NBEAL1: variants seen among roughly 807,000 people sequenced by gnomAD.
NBEAL1 encodes the protein neurobeachin like 1.
In NBEAL1, 273 loss-of-function variants were observed where a neutral mutation model predicts 351.3. That is an observed-to-expected ratio of 0.78 (90% CI 0.70 to 0.86). NBEAL1 has a LOEUF of 0.86. Among genes scored for constraint, NBEAL1 ranks in the 40% least tolerant of loss-of-function variants. The probability of loss-of-function intolerance (pLI) is 0.00; values close to 1 mark genes in which losing one functional copy is unlikely to be tolerated. For missense variants in NBEAL1, 2,961 were observed against 3,201.3 expected (o/e 0.92, Z 1.81); for synonymous variants, 1,050 against 1,086.4 (o/e 0.97, Z 0.66).
chr2:203,184,507 G>C (rs890567295), intron 44 of NBEAL1, among the ~76,000 whole-genome samples: 1 of 152,090 alleles, frequency 6.6e-6, no homozygotes. Context: ...GTGAGGGTTA[G>C]TTTAACGTTG....
chr2:203,147,596 A>G (rs541772368), intron 33 of NBEAL1, among the ~76,000 whole-genome samples: 1 of 152,234 alleles, frequency 6.6e-6, no homozygotes, highest in Admixed American at 6.5e-5. Flanking sequence ...TAAGGTGTAT[A>G]TATTTGGTTA....
chr2:203,166,453 G>T (rs1485283343), intron 37 of NBEAL1, among the ~76,000 whole-genome samples, 156 bp downstream of exon 37: 3 of 152,222 alleles, frequency 2.0e-5, no homozygotes, highest in Non-Finnish European at 4.4e-5. Context: ...TCACCAAGGT[G>T]TGGAAGGGAA....
intron 12 of NBEAL1, among the ~76,000 whole-genome samples, chr2:203,103,678 G>T (rs879383315): frequency 2.4e-4 from 36 of 152,132 alleles, no homozygotes; most frequent in Non-Finnish European, 4.6e-4. Context: ...TGTTTCTCCA[G>T]TTCTCTAGTT....
At chr2:203,127,731 GA>G (rs1468335246) in intron 23 of NBEAL1, 49 bp from the exon 24 acceptor site, 1 of 1,273,026 alleles carries the variant, frequency 7.9e-7, no homozygotes, top group East Asian at 2.7e-5. Context: ...CAGAAAAAAG[GA>G]AATGTAAAAA....
rs914627681 is a variant in NBEAL1 at position 203,132,053 on chromosome 2, G to A, written c.3645G>A (p.Ser1215=). ...QHIRLREVGY[S]GLGLLLNEAL... ...TTCGACTCAGAGAAGTTGGCTACTC[G>A]GGACTGGGACTCCTTCTTAATGAAG... The change falls in exon 26 of 56, where the codon TCG becomes TCA. Residue 1215 remains serine, a synonymous_variant. Transcript: ENST00000683969. The A allele has an allele frequency of 3.2e-6, 5 of 1,553,662 alleles. No individual in the cohort carries two copies. The highest frequency in any genetic ancestry group is 4.4e-6 in the Non-Finnish European group (5 of 1,147,098).
At position 203,126,000 on chromosome 2, in the gene NBEAL1, A is replaced by T; in HGVS notation, c.2892A>T (p.Leu964Phe). The change falls in exon 21 of 56, where the codon TTA (leucine) becomes TTT (phenylalanine). Residue 964 changes from leucine to phenylalanine, a missense_variant. By Grantham distance (22) the Leu-to-Phe change is conservative. Coordinates refer to ENST00000683969, the MANE Select transcript of NBEAL1 (RefSeq NM_001378026.1). ...LERNLVATFILIVKHFIQRHP... is the reference protein window; with the variant it reads ...LERNLVATFIFIVKHFIQRHP... ...GAAACCTAGTTGCAACATTTATCTT[A>T]ATTGTGAAACATTTTATTCAGAGAC... The T allele has an allele frequency of 6.5e-7, 1 of 1,544,134 alleles. No individual in the cohort carries two copies. The highest frequency in any genetic ancestry group is 8.7e-7 in the Non-Finnish European group (1 of 1,143,954).
intron 31 of NBEAL1, among the ~76,000 whole-genome samples, chr2:203,142,267 G>T (rs2063401961): frequency 6.6e-6 from 1 of 152,074 alleles, no homozygotes; most frequent in African/African-American, 2.4e-5. Context: ...GTGATTCTCT[G>T]GTCTCTGCCT....
chr2:203,147,050 A>G (rs1188820522), intron 33 of NBEAL1, among the ~76,000 whole-genome samples: 1 of 152,200 alleles, frequency 6.6e-6, no homozygotes, highest in Non-Finnish European at 1.5e-5. Flanking sequence ...AAATCCTACC[A>G]CTAGCTTCAT....
intron 3 of NBEAL1, among the ~76,000 whole-genome samples, chr2:203,047,506 A>G (rs946199701): frequency 6.6e-6 from 1 of 152,090 alleles, no homozygotes; most frequent in Admixed American, 6.6e-5. Context: ...TCCTTAGGTC[A>G]ATGTCTTCAG....
In NBEAL1 at chr2:203,176,182, T is replaced by G. The variant is rs1052161456; in HGVS notation, c.6464+895T>G. 1.8e-3 allele frequency among the ~76,000 whole-genome samples: 268 copies of G among 150,402 alleles called. 1 individual carries two copies. The highest frequency in any genetic ancestry group is 5.4e-3 in the Admixed American group (82 of 15,148). On this transcript the variant is annotated intron_variant, in intron 42 of 55. Transcript: ENST00000683969. Reference sequence around the variant, plus strand: ...ATACTTTATTGCATCTTTTTTTTTTTTTTTTTTTTGAGACAGAGTCTCACT... The same window carrying G: ...ATACTTTATTGCATCTTTTTTTTTTGTTTTTTTTTGAGACAGAGTCTCACT...
At chr2:203,207,326 G>A (rs1206122921) in intron 51 of NBEAL1, among the ~76,000 whole-genome samples, 22 of 151,768 alleles carry the variant, frequency 1.4e-4, no homozygotes, top group Admixed American at 9.8e-4. Flanking sequence ...CGCCCCCTCC[G>A]GGAGGTGAGG....
intron 51 of NBEAL1, among the ~76,000 whole-genome samples, chr2:203,206,154 AAG>A (rs1038673010): frequency 5.3e-5 from 8 of 152,216 alleles, no homozygotes; most frequent in Non-Finnish European, 1.0e-4. Context: ...AATAAAATGG[AAG>A]ATCAAACATG....
chr2:203,136,497 A>G (rs764966585), intron 28 of NBEAL1, 102 bp from the exon 29 acceptor site: 141 of 912,506 alleles, frequency 1.5e-4, no homozygotes, highest in Non-Finnish European at 3.2e-5. Flanking sequence ...GGACTTTAAA[A>G]ATATGTTAAA....
At chr2:203,190,520 C>G in intron 46 of NBEAL1, 131 bp downstream of exon 46, 5 of 763,338 alleles carry the variant, frequency 6.6e-6, no homozygotes. Flanking sequence ...TCTGTTTGCT[C>G]AGAAAGTCTT....
intron 46 of NBEAL1, among the ~76,000 whole-genome samples, chr2:203,192,993 A>G (rs1272345359): frequency 4.3e-5 from 3 of 69,184 alleles, no homozygotes; most frequent in Admixed American, 4.4e-4. Context: ...TTTTTTTGAG[A>G]TGGAGTCTTA....
chr2:203,074,324 T>C (rs1406656942), intron 7 of NBEAL1, among the ~76,000 whole-genome samples: 71 of 34,956 alleles, frequency 2.0e-3, no homozygotes, highest in African/African-American at 4.8e-3. Context: ...CTTCTTTTTT[T>C]TTTTTTTTTT....
At chr2:203,095,896 C>T (rs1266293197) in intron 10 of NBEAL1, among the ~76,000 whole-genome samples, 2 of 151,994 alleles carry the variant, frequency 1.3e-5, no homozygotes, top group East Asian at 3.9e-4. Flanking sequence ...CCTCAGCCTC[C>T]CAAGTAGCTG....
rs555670144 is a variant in NBEAL1, at chr2:203,213,614, T to C, written c.8031T>C (p.Asp2677=). The C allele has an allele frequency of 1.2e-6, 2 of 1,614,104 alleles. No homozygotes were observed. The highest frequency in any genetic ancestry group is 1.1e-5 in the South Asian group (1 of 91,068). ...EYSHILVGLE[D]GKLIVVGVGK... is the part of the protein sequence containing the mutation. ...GCCATATTCTTGTAGGTTTAGAAGA[T>C]GGCAAATTGATTGTAGTGGGTGTTG... Residue 2677 remains aspartate, a synonymous_variant, in exon 55 of 56, where the codon GAT becomes GAC. Transcript: ENST00000683969.
chr2:203,128,832 G>C (rs1436275513), intron 24 of NBEAL1, among the ~76,000 whole-genome samples: 1 of 151,630 alleles, frequency 6.6e-6, no homozygotes, highest in Admixed American at 6.6e-5. Flanking sequence ...TCTTGACCTC[G>C]TGATCCGCCC....
Sources: gnomAD v4.1 joint callset for allele counts (sites outside exome capture counted in the v4.1 genomes callset) on GRCh38, gnomAD v4.1.1 for gene constraint, MANE v1.5 for transcripts, NCBI Gene and HGNC (gene_info 2026-07-23, HGNC 2026-07-21) for gene names.